ADK: variants seen among roughly 807,000 people sequenced by gnomAD.
ADK encodes the protein adenosine kinase.
Under a neutral mutation model 44.7 loss-of-function variants are expected in ADK, and 24 were observed. That is an observed-to-expected ratio of 0.54 (90% CI 0.39 to 0.76). ADK has a LOEUF of 0.76. ADK is among the 30% of genes least tolerant of loss of function. ADK has a pLI of 0.00. For synonymous variants in ADK, 128 were observed against 142.6 expected (o/e 0.90, Z 0.73); for missense variants, 321 against 425.1 (o/e 0.76, Z 2.15).
At chr10:74,352,404 C>G (rs943312062) in intron 4 of ADK, among the ~76,000 whole-genome samples, 3 of 152,174 alleles carry the variant, frequency 2.0e-5, no homozygotes, top group African/African-American at 7.2e-5. Context: ...CACTGCCTTA[C>G]ACATTATACA....
intron 7 of ADK, among the ~76,000 whole-genome samples, chr10:74,534,377 A>G (rs972200877): frequency 6.6e-6 from 1 of 152,242 alleles, no homozygotes; most frequent in Non-Finnish European, 1.5e-5. Flanking sequence ...ATACACTGCT[A>G]AAATGAAGAA....
chr10:74,342,817 T>TGTGTGTGTGTGTGTGTGTGTGTG (rs1564664123), intron 4 of ADK, among the ~76,000 whole-genome samples: 5 of 98,366 alleles, frequency 5.1e-5, no homozygotes, highest in African/African-American at 2.3e-4. Context: ...GTGTGTGTGT[T>TGTGTGTGTGTGTGTGTGTGTGTG]TTAATATTGA....
At chr10:74,254,185 A>G (rs904363940) in intron 3 of ADK, among the ~76,000 whole-genome samples, 4 of 152,218 alleles carry the variant, frequency 2.6e-5, no homozygotes, top group African/African-American at 7.2e-5. Context: ...GCAGCCAGAA[A>G]TGTAAGAAAA....
At chr10:74,285,649 C>T (rs1175157139) in intron 3 of ADK, among the ~76,000 whole-genome samples, 1 of 152,142 alleles carries the variant, frequency 6.6e-6, no homozygotes, top group Admixed American at 6.5e-5. Context: ...CCATTGCACT[C>T]CAGCCTGGGT....
intron 4 of ADK, among the ~76,000 whole-genome samples, chr10:74,353,110 C>T (rs1223757736): frequency 6.6e-6 from 1 of 152,192 alleles, no homozygotes; most frequent in Non-Finnish European, 1.5e-5. Context: ...AAGACACATG[C>T]ACACATGTGT....
chr10:74,614,888 T>C lies in ADK; in HGVS notation c.877+14395T>C, dbSNP rs1011481043. ...CCTCTTAGCAAACAGAACTTGGCAA[T>C]ATATGTATGTATAATAACCTATGTA... On this transcript the variant is annotated intron_variant, in intron 9 of 10. Transcript: ENST00000539909. Among the ~76,000 whole-genome samples the C allele has an allele frequency of 4.6e-5, 7 of 152,336 alleles. No individual in the cohort carries two copies. In the East Asian group the frequency reaches 1.2e-3, roughly 25 times the overall value.
At chr10:74,524,974 TCAAA>T (rs960505735) in intron 6 of ADK, among the ~76,000 whole-genome samples, 15 of 152,200 alleles carry the variant, frequency 9.9e-5, no homozygotes, top group Non-Finnish European at 1.5e-5. Flanking sequence ...ATGAGACCTT[TCAAA>T]CATTTTTTCT....
intron 3 of ADK, among the ~76,000 whole-genome samples, chr10:74,273,672 G>A (rs1846533665): frequency 6.6e-6 from 1 of 152,082 alleles, no homozygotes; most frequent in South Asian, 2.1e-4. Context: ...TGGCCAGGCT[G>A]GTCTCGAACT....
chr10:74,547,113 A>T (rs1199430176), intron 7 of ADK, among the ~76,000 whole-genome samples: 1 of 152,164 alleles, frequency 6.6e-6, no homozygotes, highest in African/African-American at 2.4e-5. Context: ...TTATAAGAAG[A>T]GTACAGAGTT....
chr10:74,236,733 C>T (rs192307184), intron 3 of ADK, among the ~76,000 whole-genome samples: 1 of 152,258 alleles, frequency 6.6e-6, no homozygotes, highest in Admixed American at 6.5e-5. Context: ...AAGAGAAATA[C>T]ATGAAGATTA....
intron 10 of ADK, among the ~76,000 whole-genome samples, chr10:74,670,533 C>G (rs1447916424): frequency 1.3e-5 from 2 of 152,168 alleles, no homozygotes; most frequent in South Asian, 2.1e-4. Context: ...CAGAAAATTG[C>G]ATAAACAAAC....
intron 4 of ADK, among the ~76,000 whole-genome samples, chr10:74,354,700 G>A (rs1457209373): frequency 6.6e-6 from 1 of 152,068 alleles, no homozygotes; most frequent in Non-Finnish European, 1.5e-5. Flanking sequence ...AAGTAACTAA[G>A]TCATTTTGGG....
chr10:74,505,735 G>A (rs1848047901), intron 6 of ADK, among the ~76,000 whole-genome samples: 1 of 151,656 alleles, frequency 6.6e-6, no homozygotes, highest in Middle Eastern at 3.2e-3. Context: ...TCTAAGTTGA[G>A]GTCTACTTCC....
In ADK at chr10:74,169,088, G is replaced by T. The variant is rs750980909; in HGVS notation, c.65+17745G>T. Among the ~76,000 whole-genome samples, 21 of 152,034 alleles carry T rather than the reference G, an allele frequency of 1.4e-4. 1 individual carries two copies. Among genetic ancestry groups the T allele is most frequent in the Admixed American group, 6.6e-5 (1 of 15,264 alleles). On this transcript the variant is annotated intron_variant, in intron 1 of 10. Coordinates refer to ENST00000539909, the MANE Select transcript of ADK (RefSeq NM_006721.4). The stretch of plus-strand genomic sequence containing the variant: ...CAAAAAATTAGCTGGGCATGGTGGC[G>T]TGCATATGTGGTCCCAGCCGCTCAG...
At chr10:74,476,645 T>G (rs1198475680) in intron 6 of ADK, among the ~76,000 whole-genome samples, 1 of 152,214 alleles carries the variant, frequency 6.6e-6, no homozygotes. Flanking sequence ...TTCCCACCAC[T>G]TTCAGTAAGT....
chr10:74,627,758 C>T (rs925330488), intron 9 of ADK, among the ~76,000 whole-genome samples: 5 of 152,068 alleles, frequency 3.3e-5, no homozygotes, highest in African/African-American at 1.2e-4. Flanking sequence ...TCAACCTCCC[C>T]AGAAGCTAGG....
intron 3 of ADK, among the ~76,000 whole-genome samples, chr10:74,238,714 C>T (rs1845072505): frequency 6.6e-6 from 1 of 152,042 alleles, no homozygotes; most frequent in Non-Finnish European, 1.5e-5. Context: ...ACATAATTTT[C>T]AGGCTCTTTG....
At chr10:74,529,911 T>C in intron 7 of ADK, among the ~76,000 whole-genome samples, 1 of 152,176 alleles carries the variant, frequency 6.6e-6, no homozygotes, top group East Asian at 1.9e-4. Flanking sequence ...GATAAATAAA[T>C]TGATTTCTAG....
At chr10:74,431,680 G>A (rs1845004484) in intron 6 of ADK, among the ~76,000 whole-genome samples, 1 of 152,102 alleles carries the variant, frequency 6.6e-6, no homozygotes, top group Non-Finnish European at 1.5e-5. Context: ...GGCGGAGGTT[G>A]CAGTGAGCCT....
Sources: allele counts gnomAD v4.1 joint callset (sites outside exome capture counted in the v4.1 genomes callset), GRCh38; gene constraint gnomAD v4.1.1; transcripts MANE v1.5; gene names NCBI Gene and HGNC (gene_info 2026-07-23, HGNC 2026-07-21).